SYNJ2: variants seen among roughly 807,000 people sequenced by gnomAD.
SYNJ2 encodes polyphosphatidylinositol phosphatase SYNJ2.
In SYNJ2, 116 loss-of-function variants were observed where a neutral mutation model predicts 141.3. That is an observed-to-expected ratio of 0.82 (90% CI 0.71 to 0.96). The LOEUF (loss-of-function observed/expected upper bound fraction) is 0.96, where lower values mean the gene tolerates loss of function less well. Ranked by LOEUF, SYNJ2 falls within the 40% of genes least tolerant of loss-of-function variation. The pLI is 0.00. For synonymous variants in SYNJ2, 745 were observed against 777.7 expected, an observed-to-expected ratio of 0.96 and a Z score of 0.70; for missense variants, 1,873 against 1,934.8, an observed-to-expected ratio of 0.97 and a Z score of 0.60.
At chr6:158,039,695 G>T (rs1049889474) in intron 4 of SYNJ2, among the ~76,000 whole-genome samples, 1 of 152,078 alleles carries the variant, frequency 6.6e-6, no homozygotes, top group African/African-American at 2.4e-5. Context: ...GTAGCACAGC[G>T]TGGCCTCCCC....
chr6:157,984,934 G>A (rs562110933), intron 1 of SYNJ2, among the ~76,000 whole-genome samples: 2 of 152,010 alleles, frequency 1.3e-5, no homozygotes, highest in African/African-American at 4.8e-5. Flanking sequence ...TTCGTGGGTA[G>A]TGGTCTTTCC....
At chr6:158,079,668 T>C (rs1004856478) in intron 18 of SYNJ2, among the ~76,000 whole-genome samples, 6 of 152,216 alleles carry the variant, frequency 3.9e-5, no homozygotes, top group Non-Finnish European at 7.3e-5. Context: ...CCAGACTCTT[T>C]AGATAATTCT....
intron 2 of SYNJ2, among the ~76,000 whole-genome samples, chr6:158,025,901 G>A (rs1434452427): frequency 6.6e-6 from 1 of 151,910 alleles, no homozygotes; most frequent in Non-Finnish European, 1.5e-5. Flanking sequence ...GCGGTGAGCC[G>A]AGATCACACC....
rs1263048453 is a variant in SYNJ2 at position 158,069,526 on chromosome 6, C to A, written c.1800-7C>A. 3 of 1,610,242 alleles carry A rather than the reference C, an allele frequency of 1.9e-6. No homozygotes were observed. Among genetic ancestry groups the A allele is most frequent in the Non-Finnish European group, 1.7e-6 (2 of 1,177,612 alleles). ...TGTAAACAGCATCCTTTCCTTTTCT[C>A]TTCCAGTACTACCAACAAGAAGATG... On this transcript the variant is annotated splice_region_variant and splice_polypyrimidine_tract_variant and intron_variant, in intron 13 of 26. Transcript: ENST00000355585.
Position 158,081,104 on chromosome 6 carries a change from C to T in SYNJ2, c.2568-5C>T, listed in dbSNP as rs763944016. ...ACTGTCATCCCTCTTTTGTTCCTAA[C>T]GCAGACCTGTGCTGGCGATCGTGGA... On this transcript the variant is annotated splice_region_variant and splice_polypyrimidine_tract_variant and intron_variant, in intron 18 of 26. Coordinates refer to ENST00000355585, the MANE Select transcript of SYNJ2 (RefSeq NM_003898.4). The T allele has an allele frequency of 9.9e-6, 16 of 1,613,392 alleles. No homozygotes were observed. The highest frequency in any genetic ancestry group is 5.5e-5 in the South Asian group (5 of 91,056).
At chr6:158,055,393 A>G (rs966244251) in intron 6 of SYNJ2, among the ~76,000 whole-genome samples, 2 of 152,196 alleles carry the variant, frequency 1.3e-5, no homozygotes, top group African/African-American at 2.4e-5. Flanking sequence ...ATAAGTATAG[A>G]AAAGTATAAA....
chr6:157,994,290 G>C (rs1330857275), intron 1 of SYNJ2, among the ~76,000 whole-genome samples: 1 of 152,248 alleles, frequency 6.6e-6, no homozygotes, highest in East Asian at 1.9e-4. Context: ...CAAAGCTGAG[G>C]TCAGGTGGAG....
rs141047578 is a variant in SYNJ2 at position 158,035,279 on chromosome 6, C to T, written c.711+1599C>T. Among the ~76,000 whole-genome samples the T allele has an allele frequency of 2.2e-3, 340 of 152,262 alleles. 2 individuals carry two copies. Among genetic ancestry groups the T allele is most frequent in the African/African-American group, 7.8e-3 (326 of 41,552 alleles). On this transcript the variant is annotated intron_variant, in intron 4 of 26. Coordinates refer to ENST00000355585, the MANE Select transcript of SYNJ2 (RefSeq NM_003898.4). ...CCATAAATTGCTTTGGGCATTATGT[C>T]CATTTTAATGATATTGATTCTTCTT...
At chr6:157,983,822 T>C (rs117324676) in intron 1 of SYNJ2, among the ~76,000 whole-genome samples, 4,266 of 151,220 alleles carry the variant, frequency 0.028, 82 homozygotes, top group Non-Finnish European at 0.043. Context: ...TAGAAAACTT[T>C]AAAAAAAAAT....
chr6:158,024,291 G>C (rs1258602009), intron 2 of SYNJ2, among the ~76,000 whole-genome samples: 4 of 152,118 alleles, frequency 2.6e-5, no homozygotes, highest in Non-Finnish European at 5.9e-5. Flanking sequence ...TGGGCATGGG[G>C]GCTCATGCCT....
chr6:157,998,358 G>T lies in SYNJ2; in HGVS notation c.127+16270G>T, dbSNP rs565358851. Among the ~76,000 whole-genome samples, 3 of 152,334 alleles carry T rather than the reference G, an allele frequency of 2.0e-5. No individual in the cohort carries two copies. The South Asian group carries it at 6.2e-4, about 32-fold the overall frequency. Reference sequence around the variant, plus strand: ...AAGCCCCATGCCTGGCTTCTTCACCGAGTGGTTATAATTCACTTATGGGTC... The same window carrying T: ...AAGCCCCATGCCTGGCTTCTTCACCTAGTGGTTATAATTCACTTATGGGTC... On this transcript the variant is annotated intron_variant, in intron 1 of 26. Coordinates refer to ENST00000355585, the MANE Select transcript of SYNJ2 (RefSeq NM_003898.4).
At position 158,063,890 on chromosome 6, in the gene SYNJ2, C is replaced by G. The variant is rs117765555; in HGVS notation, c.1209+18C>G. The G allele has an allele frequency of 4.7e-3, 7,617 of 1,612,874 alleles. 30 individuals are homozygous for G. Among genetic ancestry groups the G allele is most frequent in the Non-Finnish European group, 5.8e-3 (6,784 of 1,179,314 alleles). The stretch of plus-strand genomic sequence containing the variant: ...CGCTCGAGGTGCGTCCCTGCCACAG[C>G]CTTTTCGGCCATCTGTGCCAGGTCC... On this transcript the variant is annotated intron_variant, in intron 9 of 26. Transcript: ENST00000355585.
At chr6:158,059,019 G>A (rs569760188) in intron 6 of SYNJ2, among the ~76,000 whole-genome samples, 1 of 152,378 alleles carries the variant, frequency 6.6e-6, no homozygotes, top group South Asian at 2.1e-4. Flanking sequence ...CATATCCTTT[G>A]TCTGATTCCA....
rs191111374 is a variant in SYNJ2 at position 158,071,461 on chromosome 6, G to A, written c.1941-141G>A. On this transcript the variant is annotated intron_variant, in intron 14 of 26. Transcript: ENST00000355585. The surrounding 1 kb of genome is among the most constrained non-coding windows in gnomAD (Gnocchi z 4.3). ...CTGACCAGGAGTCGATGACGGCCAC[G>A]GTGGCCACTGTGTTGAGCTGATGAT... 64 of 942,266 alleles carry A rather than the reference G, an allele frequency of 6.8e-5. 1 individual carries two copies. The Admixed American group carries it at 9.4e-4, about 14-fold the overall frequency. The allele number at this position is 942,266 out of a possible 1,614,324, so 58.4% of individuals were successfully genotyped here.
At chr6:158,039,812 G>T (rs970147420) in intron 4 of SYNJ2, among the ~76,000 whole-genome samples, 51 of 152,200 alleles carry the variant, frequency 3.4e-4, no homozygotes, top group African/African-American at 1.2e-3. Context: ...CAGTAGGAAG[G>T]AGGACTGTGC....
At chr6:157,998,559 A>G (rs1040840194) in intron 1 of SYNJ2, among the ~76,000 whole-genome samples, 1 of 152,210 alleles carries the variant, frequency 6.6e-6, no homozygotes, top group African/African-American at 2.4e-5. Context: ...TGTGACCAAA[A>G]CTATCCATAT....
At chr6:157,994,248 G>A (rs780947869) in intron 1 of SYNJ2, among the ~76,000 whole-genome samples, 3 of 152,174 alleles carry the variant, frequency 2.0e-5, no homozygotes, top group African/African-American at 7.2e-5. Context: ...TTAAGAGGAG[G>A]TGACCGTTCT....
At chr6:158,068,028 A>G in intron 12 of SYNJ2, 14 of 978,420 alleles carry the variant, frequency 1.4e-5, no homozygotes, top group Non-Finnish European at 1.7e-5. Context: ...GGTAGACACT[A>G]GCAGGCTCCC....
intron 2 of SYNJ2, 167 bp downstream of exon 2, chr6:158,017,457 C>T (rs1778525148): frequency 8.0e-6 from 8 of 1,005,274 alleles, no homozygotes; most frequent in Non-Finnish European, 1.4e-6. Flanking sequence ...TCTTGTTGCC[C>T]AGGCTGCAGT....
Sources: gnomAD v4.1 joint callset for allele counts (sites outside exome capture counted in the v4.1 genomes callset) on GRCh38, gnomAD v4.1.1 for gene constraint, Gnocchi (gnomAD v3.1) non-coding constraint, MANE v1.5 for transcripts, NCBI Gene and HGNC (gene_info 2026-07-23, HGNC 2026-07-21) for gene names.